ZMYM2: variants seen among roughly 807,000 people sequenced by gnomAD.
The protein encoded by ZMYM2 is zinc finger MYM-type protein 2.
ZMYM2 carries 56 observed loss-of-function variants against 162.8 expected under a neutral mutation model. The ratio of observed to expected loss-of-function variants is 0.34; its 90% CI spans 0.28 to 0.43. ZMYM2 has a LOEUF of 0.43. ZMYM2 is among the 20% of genes least tolerant of loss of function. The pLI is 1.00. For synonymous variants in ZMYM2, 510 were observed against 541.6 expected, an observed-to-expected ratio of 0.94 and a Z score of 0.81; for missense variants, 1,275 against 1,621.8, an observed-to-expected ratio of 0.79 and a Z score of 3.67.
intron 6 of ZMYM2, among the ~76,000 whole-genome samples, chr13:20,016,365 ATTT>A (rs1396605899): frequency 6.6e-6 from 1 of 152,110 alleles, no homozygotes; most frequent in Non-Finnish European, 1.5e-5. Context: ...TTGTGTGCAT[ATTT>A]GTCTTTAAAA....
chr13:19,958,450 G>C (rs1954714307), upstream of ZMYM2, among the ~76,000 whole-genome samples: 2 of 151,834 alleles, frequency 1.3e-5, no homozygotes, highest in African/African-American at 2.4e-5. Context: ...CCTGACCCTG[G>C]CAGACCCGGT....
Position 20,002,921 on chromosome 13 carries a change from G to A in ZMYM2, c.919G>A (p.Val307Met), listed in dbSNP as rs61749503. 2 of 1,614,042 alleles carry A rather than the reference G, an allele frequency of 1.2e-6. No individual in the cohort carries two copies. Among genetic ancestry groups the A allele is most frequent in the Admixed American group, 1.7e-5 (1 of 60,006 alleles). The change falls in exon 4 of 25, where the codon GTG becomes ATG. Residue 307 changes from valine to methionine, a missense_variant. This residue lies in a region of ZMYM2 where 115 missense variants were observed against 175.3 expected (regional missense o/e 0.66). Coordinates refer to ENST00000610343, the MANE Select transcript of ZMYM2 (RefSeq NM_197968.4). Reference sequence around the variant, plus strand: ...ACCAGGGGTGGACTCTTTATCACCAGTGGCCTCACTTCCTAAACAGATTTT... The same window carrying A: ...ACCAGGGGTGGACTCTTTATCACCAATGGCCTCACTTCCTAAACAGATTTT... ...KQPGVDSLSPVASLPKQIFQP... is the reference protein window; with the variant it reads ...KQPGVDSLSPMASLPKQIFQP...
chr13:19,912,252 C>G, the ZMYM2 span, among the ~76,000 whole-genome samples: 2 of 150,440 alleles, frequency 1.3e-5, no homozygotes, highest in Admixed American at 6.6e-5. Flanking sequence ...ATCAACCCTC[C>G]AGTCCTATGT....
At chr13:19,966,331 T>C (rs908937635) in intron 2 of ZMYM2, among the ~76,000 whole-genome samples, 1 of 149,982 alleles carries the variant, frequency 6.7e-6, no homozygotes, top group Non-Finnish European at 1.5e-5. Context: ...ATGGGGTTTC[T>C]ACATGTTGGT....
At chr13:19,881,317 T>A in the ZMYM2 span, among the ~76,000 whole-genome samples, 1 of 151,950 alleles carries the variant, frequency 6.6e-6, no homozygotes, top group Non-Finnish European at 1.5e-5. Flanking sequence ...GGAAAAAAAA[T>A]ATCTTCAACA....
chr13:20,005,056 G>T lies in ZMYM2; in HGVS notation c.1134-18G>T, dbSNP rs878902690. On this transcript the variant is annotated intron_variant, in intron 4 of 24. Coordinates refer to ENST00000610343, the MANE Select transcript of ZMYM2 (RefSeq NM_197968.4). ...TTCTTTTAAAATGGAATTTTAATAT[G>T]TACCACTTATTTTTCAGAGATATAA... The T allele has an allele frequency of 8.2e-6, 13 of 1,583,530 alleles. No homozygotes were observed. In the African/African-American group the frequency reaches 1.6e-4, roughly 20 times the overall value.
intron 17 of ZMYM2, among the ~76,000 whole-genome samples, chr13:20,062,332 C>T (rs988682686): frequency 1.3e-5 from 2 of 152,144 alleles, no homozygotes; most frequent in Admixed American, 1.3e-4. Flanking sequence ...TTTCTGTTCC[C>T]CACCATCACC....
chr13:19,942,369 A>AC, the ZMYM2 span, among the ~76,000 whole-genome samples: 1 of 151,974 alleles, frequency 6.6e-6, no homozygotes, highest in Non-Finnish European at 1.5e-5. Context: ...TGTGAATGAG[A>AC]AAAAGGAACC....
chr13:20,089,077 A>G lies in ZMYM2; in HGVS notation c.*3063A>G. On this transcript the variant is annotated 3_prime_UTR_variant, in exon 25 of 25. Coordinates refer to ENST00000610343, the MANE Select transcript of ZMYM2 (RefSeq NM_197968.4). ...CCTCAAAATAGTCATGAAAGTGTAC[A>G]TGAAAATATTTTTAAAGAATAAATT... 1 of 198,184 alleles carries G rather than the reference A, an allele frequency of 5.0e-6. No individual in the cohort carries two copies. The highest frequency in any genetic ancestry group is 1.0e-5 in the Non-Finnish European group (1 of 95,578). 12.3% of individuals were successfully genotyped at this position (198,184 alleles called of 1,614,324 possible). A position where few individuals can be genotyped will look rare whatever the true frequency, so the allele number is the denominator to read the frequency against.
the ZMYM2 span, among the ~76,000 whole-genome samples, chr13:19,915,507 CT>C: frequency 6.6e-6 from 1 of 151,322 alleles, no homozygotes; most frequent in African/African-American, 2.4e-5. Flanking sequence ...GTTCTACTTT[CT>C]TTTTTCTTTT....
Position 20,087,810 on chromosome 13 carries a change from G to A in ZMYM2, c.*1796G>A, listed in dbSNP as rs975174868. 2 of 186,714 alleles carry A rather than the reference G, an allele frequency of 1.1e-5. No homozygotes were observed. The highest frequency in any genetic ancestry group is 2.3e-5 in the African/African-American group (1 of 42,764). The allele number at this position is 186,714 out of a possible 1,614,324, so 11.6% of individuals were successfully genotyped here. A position where few individuals can be genotyped will look rare whatever the true frequency, so the allele number is the denominator to read the frequency against. ...ATAGATTGCTGATTGTCTATTTAAC[G>A]AAGACAAGTGGGTAACATTTAAAAT... On this transcript the variant is annotated 3_prime_UTR_variant, in exon 25 of 25. Coordinates refer to ENST00000610343, the MANE Select transcript of ZMYM2 (RefSeq NM_197968.4).
At chr13:19,914,034 G>T in the ZMYM2 span, among the ~76,000 whole-genome samples, 1 of 152,182 alleles carries the variant, frequency 6.6e-6, no homozygotes, top group Non-Finnish European at 1.5e-5. Flanking sequence ...ACAAGGAATA[G>T]GTTGTTCATT....
chr13:19,865,846 AT>A, the ZMYM2 span, among the ~76,000 whole-genome samples: 8 of 152,304 alleles, frequency 5.3e-5, no homozygotes, highest in East Asian at 1.5e-3. Context: ...AGATAGTGTC[AT>A]TTATTGTAAA....
chr13:20,020,246 T>C (rs1951958820), intron 7 of ZMYM2, among the ~76,000 whole-genome samples: 1 of 151,400 alleles, frequency 6.6e-6, no homozygotes. Context: ...TTTTTTTTTT[T>C]TTTTTGAGAC....
chr13:19,886,166 T>TC, the ZMYM2 span, among the ~76,000 whole-genome samples: 15 of 133,008 alleles, frequency 1.1e-4, 2 homozygotes, highest in African/African-American at 3.8e-4. Context: ...TTCTTTCTTT[T>TC]TTTTTTTTTT....
the ZMYM2 span, among the ~76,000 whole-genome samples, chr13:19,921,481 G>T: frequency 6.6e-6 from 1 of 151,886 alleles, no homozygotes; most frequent in Non-Finnish European, 1.5e-5. Flanking sequence ...TTTTTCATTG[G>T]CTAGCCATTC....
At chr13:20,067,527 AT>A in intron 21 of ZMYM2, 137 bp downstream of exon 21, 1 of 899,290 alleles carries the variant, frequency 1.1e-6, no homozygotes, top group East Asian at 2.7e-5. Context: ...GCTGCCATTT[AT>A]ATATAAATGA....
chr13:20,018,532 C>T (rs891527073), intron 6 of ZMYM2, among the ~76,000 whole-genome samples: 1 of 152,062 alleles, frequency 6.6e-6, no homozygotes, highest in African/African-American at 2.4e-5. Context: ...ACTTAGCTGC[C>T]TTTTGTTGTT....
chr13:19,886,391 C>T, the ZMYM2 span, among the ~76,000 whole-genome samples: 2 of 151,448 alleles, frequency 1.3e-5, no homozygotes, highest in Admixed American at 1.3e-4. Flanking sequence ...CTCAAACTCC[C>T]GACCTCGGTG....
Sources: gnomAD v4.1 joint callset for allele counts (sites outside exome capture counted in the v4.1 genomes callset) on GRCh38, gnomAD v4.1.1 for gene constraint, gnomAD v4.1.1 regional missense constraint, MANE v1.5 for transcripts, NCBI Gene and HGNC (gene_info 2026-07-23, HGNC 2026-07-21) for gene names.